The following ADAMTSL1 variants were observed in gnomAD, a reference collection of about 807,000 sequenced individuals.
ADAMTSL1 encodes ADAMTS-like protein 1.
Under a neutral mutation model 201.8 loss-of-function variants are expected in ADAMTSL1, and 126 were observed. The observed-to-expected ratio is 0.62, with a 90% CI of 0.54 to 0.72. The LOEUF (loss-of-function observed/expected upper bound fraction) is 0.72. ADAMTSL1 is among the 30% of genes least tolerant of loss of function. The pLI is 0.00. For missense variants in ADAMTSL1, 2,679 were observed against 2,277.8 expected, an observed-to-expected ratio of 1.18 and a Z score of -3.59; for synonymous variants, 1,121 against 903.4, an observed-to-expected ratio of 1.24 and a Z score of -4.32.
rs778444440 is a variant in ADAMTSL1 at position 18,474,435 on chromosome 9, AAG to A, written c.63+146_63+147del. On this transcript the variant is annotated intron_variant, in intron 1 of 28. Transcript: ENST00000380548. ...AGGTAAAATAATTTACACGATTACA[AAG>A]AGAGAATACTCCTTCTAGAACTTTT... 1,417 of 864,752 alleles carry A rather than the reference AAG, an allele frequency of 1.6e-3. 2 individuals carry two copies. The highest frequency in any genetic ancestry group is 2.2e-3 in the Non-Finnish European group (1,202 of 544,846). 53.6% of individuals were successfully genotyped at this position (864,752 alleles called of 1,614,324 possible).
At chr9:18,798,976 G>A (rs1173180814) in intron 20 of ADAMTSL1, among the ~76,000 whole-genome samples, 3 of 151,414 alleles carry the variant, frequency 2.0e-5, no homozygotes, top group Non-Finnish European at 4.4e-5. Flanking sequence ...CTTCCATTAC[G>A]TGCTGATTTT....
intron 1 of ADAMTSL1, among the ~76,000 whole-genome samples, chr9:17,972,481 A>G (rs1334653090): frequency 6.6e-6 from 1 of 151,496 alleles, no homozygotes; most frequent in Non-Finnish European, 1.5e-5. Flanking sequence ...TGTCCCTACA[A>G]AGGACATGAA....
intron 14 of ADAMTSL1, among the ~76,000 whole-genome samples, chr9:18,717,795 CT>C (rs1190955826): frequency 1.3e-5 from 2 of 152,160 alleles, no homozygotes; most frequent in African/African-American, 2.4e-5. Context: ...TCTTGTGAAG[CT>C]TGAAAGTGAT....
chr9:18,591,584 C>T (rs1823918404), intron 4 of ADAMTSL1, among the ~76,000 whole-genome samples: 1 of 152,044 alleles, frequency 6.6e-6, no homozygotes, highest in African/African-American at 2.4e-5. Context: ...GATTTTGTAA[C>T]CTCTCTCTTC....
chr9:18,879,583 C>T (rs1828396387), intron 23 of ADAMTSL1, among the ~76,000 whole-genome samples: 1 of 152,240 alleles, frequency 6.6e-6, no homozygotes, highest in Admixed American at 6.5e-5. Context: ...TTGTAATCCA[C>T]TAAGTGTGCA....
chr9:18,105,585 G>A (rs1435230784), intron 1 of ADAMTSL1, among the ~76,000 whole-genome samples: 1 of 152,170 alleles, frequency 6.6e-6, no homozygotes, highest in Non-Finnish European at 1.5e-5. Context: ...TATTACTGTA[G>A]TGGAGAAATC....
At chr9:18,013,785 A>C (rs1378283057) in intron 1 of ADAMTSL1, among the ~76,000 whole-genome samples, 1 of 152,058 alleles carries the variant, frequency 6.6e-6, no homozygotes, top group Non-Finnish European at 1.5e-5. Flanking sequence ...AATTGTAACT[A>C]TACAAAGCAT....
At chr9:18,550,987 A>T (rs7041704) in intron 3 of ADAMTSL1, among the ~76,000 whole-genome samples, 9 of 151,920 alleles carry the variant, frequency 5.9e-5, no homozygotes, top group Non-Finnish European at 8.8e-5. Context: ...TCAGTAACAG[A>T]CTAGAAATAT....
At chr9:18,658,273 C>A (rs567192642) in intron 8 of ADAMTSL1, among the ~76,000 whole-genome samples, 2 of 152,124 alleles carry the variant, frequency 1.3e-5, no homozygotes, top group African/African-American at 2.4e-5. Context: ...CGTGCCCGAC[C>A]GAGGAAACAG....
At chr9:18,487,436 G>C (rs2131838456) in intron 1 of ADAMTSL1, among the ~76,000 whole-genome samples, 1 of 152,254 alleles carries the variant, frequency 6.6e-6, no homozygotes, top group Admixed American at 6.5e-5. Flanking sequence ...AAATCACATG[G>C]TCCTTCTGAC....
At chr9:18,211,421 A>G (rs1363061160) in intron 2 of ADAMTSL1, among the ~76,000 whole-genome samples, 1 of 152,150 alleles carries the variant, frequency 6.6e-6, no homozygotes, top group Admixed American at 6.6e-5. Flanking sequence ...TTTGAAAACC[A>G]TTGTTCTAAA....
intron 23 of ADAMTSL1, among the ~76,000 whole-genome samples, chr9:18,848,298 G>T (rs994439396): frequency 6.6e-6 from 1 of 152,164 alleles, no homozygotes; most frequent in Non-Finnish European, 1.5e-5. Flanking sequence ...TGATTCTCAG[G>T]GATTGAGGAG....
At chr9:18,728,862 A>C (rs1490774732) in intron 15 of ADAMTSL1, among the ~76,000 whole-genome samples, 1 of 152,246 alleles carries the variant, frequency 6.6e-6, no homozygotes, top group Admixed American at 6.5e-5. Flanking sequence ...TCCTATGGGC[A>C]CTGAAGAGCC....
chr9:18,411,368 T>G (rs750703785), intron 2 of ADAMTSL1, among the ~76,000 whole-genome samples: 6 of 151,444 alleles, frequency 4.0e-5, no homozygotes, highest in Non-Finnish European at 7.4e-5. Flanking sequence ...CCTGGCTAAT[T>G]TTTGTTTTTT....
At position 18,797,822 on chromosome 9, in the gene ADAMTSL1, A is replaced by T. The variant is rs138976077; in HGVS notation, c.3805+2298A>T. ...TAACCCAATGCCAGGCACATTGTTC[A>T]TACTCAATAAATGTAAGCCTCCTTT... On this transcript the variant is annotated intron_variant, in intron 20 of 28. Transcript: ENST00000380548. 7.2e-5 allele frequency among the ~76,000 whole-genome samples: 11 copies of T among 152,354 alleles called. No homozygotes were observed. The East Asian group carries it at 1.9e-3, about 27-fold the overall frequency.
At chr9:18,603,381 CTATGCTATGCTAT>C (rs1161590491) in intron 4 of ADAMTSL1, among the ~76,000 whole-genome samples, 7 of 151,748 alleles carry the variant, frequency 4.6e-5, no homozygotes, top group African/African-American at 1.5e-4. Flanking sequence ...CTATGCTATG[CTATGCTATGCTAT>C]GCTATGCTAT....
At chr9:18,604,857 C>G (rs1004084160) in intron 4 of ADAMTSL1, among the ~76,000 whole-genome samples, 4 of 152,140 alleles carry the variant, frequency 2.6e-5, no homozygotes, top group African/African-American at 9.7e-5. Flanking sequence ...CAGGGCTGCA[C>G]CATTTTACAT....
chr9:18,717,855 C>T (rs967275543), intron 14 of ADAMTSL1: 18 of 742,368 alleles, frequency 2.4e-5, no homozygotes, highest in Non-Finnish European at 4.1e-5. Context: ...TTAAAGGGTA[C>T]CACCACAGGA....
At chr9:17,913,790 A>G (rs1825981795) in intron 1 of ADAMTSL1, among the ~76,000 whole-genome samples, 1 of 140,522 alleles carries the variant, frequency 7.1e-6, no homozygotes, top group African/African-American at 2.7e-5. Context: ...CTAATAAAGA[A>G]GAAAAGAGAG....
Sources: gnomAD v4.1 joint callset for allele counts (sites outside exome capture counted in the v4.1 genomes callset) on GRCh38, gnomAD v4.1.1 for gene constraint, MANE v1.5 for transcripts, NCBI Gene and HGNC (gene_info 2026-07-23, HGNC 2026-07-21) for gene names.